The following ADAM32 variants were observed in gnomAD, a reference collection of about 807,000 sequenced individuals.
ADAM32 encodes the protein ADAM metallopeptidase domain 32, also known as disintegrin and metalloproteinase domain-containing protein 32.
A neutral mutation model predicts 114.9 loss-of-function variants in ADAM32; 89 were observed. The ratio of observed to expected loss-of-function variants is 0.77; its 90% CI spans 0.65 to 0.92. ADAM32 has a LOEUF of 0.92. ADAM32 is among the 40% of genes least tolerant of loss of function. ADAM32 has a pLI of 0.00. For synonymous variants in ADAM32, 285 were observed against 307.5 expected (o/e 0.93, Z 0.77); for missense variants, 870 against 932.8 (o/e 0.93, Z 0.88).
intron 11 of ADAM32, among the ~76,000 whole-genome samples, chr8:39,197,248 T>G (rs548317118): frequency 6.6e-6 from 1 of 152,198 alleles, no homozygotes; most frequent in African/African-American, 2.4e-5. Context: ...AGTCTAGATA[T>G]CTGTGTATCA....
intron 19 of ADAM32, among the ~76,000 whole-genome samples, chr8:39,260,261 G>T (rs1490153182): frequency 1.3e-5 from 2 of 152,094 alleles, no homozygotes; most frequent in African/African-American, 4.8e-5. Context: ...ATAAGGTCAT[G>T]TCATCTGAAA....
intron 9 of ADAM32, chr8:39,166,369 C>T (rs1277607598): frequency 6.6e-6 from 1 of 152,178 alleles, no homozygotes; most frequent in African/African-American, 2.4e-5. Flanking sequence ...CAAATGCAGT[C>T]AATTCATTCC....
At chr8:39,248,588 A>G (rs143360057) in intron 17 of ADAM32, among the ~76,000 whole-genome samples, 2 of 152,248 alleles carry the variant, frequency 1.3e-5, no homozygotes, top group African/African-American at 4.8e-5. Flanking sequence ...GGGTTCTTCA[A>G]TTCTTTTTAG....
intron 7 of ADAM32, among the ~76,000 whole-genome samples, chr8:39,164,492 A>G (rs750732259): frequency 3.2e-4 from 49 of 152,208 alleles, no homozygotes; most frequent in Admixed American, 1.3e-4. Flanking sequence ...CTCAGAAGTG[A>G]GATTGCTGGG....
intron 10 of ADAM32, among the ~76,000 whole-genome samples, chr8:39,173,083 C>A (rs1266337650): frequency 1.3e-5 from 2 of 152,164 alleles, no homozygotes; most frequent in Admixed American, 6.5e-5. Context: ...CATGGTGAAA[C>A]CTTGTCGCTA....
intron 23 of ADAM32, among the ~76,000 whole-genome samples, chr8:39,281,429 TAA>T (rs113155613): frequency 6.6e-6 from 1 of 152,244 alleles, no homozygotes; most frequent in Non-Finnish European, 1.5e-5. Context: ...TGAAATTTAA[TAA>T]GAGACAAATA....
At chr8:39,202,924 C>G (rs1266763817) in intron 11 of ADAM32, among the ~76,000 whole-genome samples, 1 of 85,970 alleles carries the variant, frequency 1.2e-5, no homozygotes. Flanking sequence ...TGTTCAGTTT[C>G]CATGTAGTTG....
intron 23 of ADAM32, 105 bp downstream of exon 23, chr8:39,281,279 A>G: frequency 1.9e-6 from 1 of 524,018 alleles, no homozygotes; most frequent in Admixed American, 4.6e-5. Flanking sequence ...GAGCAGCCAC[A>G]ATCGATAAAG....
At chr8:39,180,228 G>A (rs892868867) in intron 10 of ADAM32, among the ~76,000 whole-genome samples, 1 of 152,206 alleles carries the variant, frequency 6.6e-6, no homozygotes. Flanking sequence ...CGGCCCTGCC[G>A]ACCCCAGGCA....
intron 9 of ADAM32, chr8:39,168,950 G>A (rs920402260): frequency 2.0e-5 from 3 of 152,172 alleles, no homozygotes; most frequent in African/African-American, 7.2e-5. Context: ...GGGAGAAACA[G>A]AGTAAACAAT....
chr8:39,129,795 CT>C, intron 2 of ADAM32: 1 of 296,364 alleles, frequency 3.4e-6, no homozygotes, highest in East Asian at 8.5e-5. Flanking sequence ...TCATCTGCAC[CT>C]TGGCCTTTCT....
intron 19 of ADAM32, among the ~76,000 whole-genome samples, chr8:39,262,534 T>C (rs1407134227): frequency 1.3e-5 from 2 of 152,168 alleles, no homozygotes; most frequent in Non-Finnish European, 1.5e-5. Flanking sequence ...CAGGGCCTTT[T>C]GTAGTTGGGA....
intron 17 of ADAM32, among the ~76,000 whole-genome samples, chr8:39,249,467 A>AT (rs1811150458): frequency 1.3e-5 from 2 of 152,106 alleles, no homozygotes; most frequent in Admixed American, 6.5e-5. Context: ...TTCTTGTAAT[A>AT]TTTTTCTATG....
At chr8:39,263,212 A>G (rs1330346985) in intron 19 of ADAM32, among the ~76,000 whole-genome samples, 1 of 152,202 alleles carries the variant, frequency 6.6e-6, no homozygotes, top group East Asian at 1.9e-4. Flanking sequence ...ATTATAGGTT[A>G]TATGGGTATG....
Position 39,153,472 on chromosome 8 carries a change from G to A in ADAM32, c.525+1924G>A, listed in dbSNP as rs544306058. On this transcript the variant is annotated intron_variant, in intron 6 of 24. Coordinates refer to ENST00000379907, the MANE Select transcript of ADAM32 (RefSeq NM_145004.7). ...CCACTTGTAACTCTTTTTTATGTGGGCTGCCCTTCAGCCAACTGAAACTGC... is the reference window on the plus strand; with the variant it reads ...CCACTTGTAACTCTTTTTTATGTGGACTGCCCTTCAGCCAACTGAAACTGC... Among the ~76,000 whole-genome samples, 11 of 152,312 alleles carry A rather than the reference G, an allele frequency of 7.2e-5. No individual in the cohort carries two copies. In the South Asian group the frequency reaches 2.1e-3, roughly 29 times the overall value.
chr8:39,217,115 A>ATTT (rs201011367), intron 12 of ADAM32, among the ~76,000 whole-genome samples: 19 of 131,680 alleles, frequency 1.4e-4, no homozygotes, highest in African/African-American at 5.7e-4. Context: ...ATATATATAT[A>ATTT]TATTTTTTTA....
At chr8:39,165,742 C>A (rs1234185195) in intron 9 of ADAM32, 1 of 151,964 alleles carries the variant, frequency 6.6e-6, no homozygotes. Flanking sequence ...CTATACATGT[C>A]TATATATGTA....
In ADAM32 at chr8:39,234,099, C is replaced by A; in HGVS notation, c.1818+17C>A. 1 of 1,306,200 alleles carries A rather than the reference C, an allele frequency of 7.7e-7. No homozygotes were observed. The highest frequency in any genetic ancestry group is 9.9e-7 in the Non-Finnish European group (1 of 1,008,380). The allele number at this position is 1,306,200 out of a possible 1,614,324, so 80.9% of individuals were successfully genotyped here. A position where few individuals can be genotyped will look rare whatever the true frequency, so the allele number is the denominator to read the frequency against. On this transcript the variant is annotated intron_variant, in intron 16 of 24. Transcript: ENST00000379907. ...ATTGGGAGGGTAAATAATTTAAAAT[C>A]TATTTAAAAAATATAGTTTTATTTA...
intron 16 of ADAM32, among the ~76,000 whole-genome samples, chr8:39,240,982 A>G (rs1383961048): frequency 2.0e-5 from 3 of 152,312 alleles, no homozygotes; most frequent in African/African-American, 7.2e-5. Flanking sequence ...TCCACCTATA[A>G]AATCAGAAGC....
Sources: allele counts gnomAD v4.1 joint callset (sites outside exome capture counted in the v4.1 genomes callset), GRCh38; gene constraint gnomAD v4.1.1; transcripts MANE v1.5; gene names NCBI Gene and HGNC (gene_info 2026-07-23, HGNC 2026-07-21).